Variants in GLT1D1 observed in about 807,000 individuals in gnomAD.
GLT1D1 encodes glycosyltransferase 1 domain containing 1.
A neutral mutation model predicts 28.7 loss-of-function variants in GLT1D1; 21 were observed. The ratio of observed to expected loss-of-function variants is 0.73; its 90% CI spans 0.52 to 1.05. The LOEUF (loss-of-function observed/expected upper bound fraction) is 1.05, where lower values mean the gene tolerates loss of function less well. Ranked by LOEUF, GLT1D1 falls within the 50% of genes least tolerant of loss-of-function variation. The pLI, the probability that GLT1D1 is intolerant of heterozygous loss-of-function variation, is 0.00. For missense variants in GLT1D1, 343 were observed against 330.6 expected, an observed-to-expected ratio of 1.04 and a Z score of -0.29; for synonymous variants, 147 against 124.8, an observed-to-expected ratio of 1.18 and a Z score of -1.19.
chr12:128,933,507 C>T (rs1874180647), intron 4 of GLT1D1, among the ~76,000 whole-genome samples: 1 of 152,144 alleles, frequency 6.6e-6, no homozygotes, highest in African/African-American at 2.4e-5. Context: ...TTTATTTTAC[C>T]CCAAAATTGA....
intron 3 of GLT1D1, among the ~76,000 whole-genome samples, chr12:128,897,604 T>C (rs1168328461): frequency 6.6e-6 from 1 of 152,224 alleles, no homozygotes; most frequent in African/African-American, 2.4e-5. Flanking sequence ...ATATATGATA[T>C]AAGGTAGGAA....
At chr12:128,959,412 G>GGGGGGT (rs1565913830) in intron 7 of GLT1D1, among the ~76,000 whole-genome samples, 2 of 17,678 alleles carry the variant, frequency 1.1e-4, no homozygotes, top group African/African-American at 6.5e-4. Flanking sequence ...ATGAGGCAGT[G>GGGGGGT]GGGGGGGACG....
chr12:128,941,183 C>T (rs112731486), intron 4 of GLT1D1, among the ~76,000 whole-genome samples: 27 of 152,304 alleles, frequency 1.8e-4, no homozygotes, highest in African/African-American at 6.5e-4. Context: ...CTGAGTGGCA[C>T]TCCTTTGTAT....
chr12:128,970,651 C>T (rs1457591684), intron 7 of GLT1D1, among the ~76,000 whole-genome samples: 1 of 152,248 alleles, frequency 6.6e-6, no homozygotes, highest in African/African-American at 2.4e-5. Context: ...GGCACCTGAG[C>T]TTTGCTCACC....
intron 7 of GLT1D1, among the ~76,000 whole-genome samples, chr12:128,964,126 C>T (rs1325886491): frequency 1.3e-5 from 2 of 152,220 alleles, no homozygotes; most frequent in African/African-American, 2.4e-5. Context: ...TGCGCTGGCT[C>T]ATGCCTGTAA....
chr12:128,887,013 GA>G (rs1868468047), intron 2 of GLT1D1, among the ~76,000 whole-genome samples: 1 of 147,898 alleles, frequency 6.8e-6, no homozygotes, highest in Admixed American at 6.7e-5. Flanking sequence ...TCCCAACCCA[GA>G]TTTTTTTTTT....
intron 7 of GLT1D1, among the ~76,000 whole-genome samples, chr12:128,963,864 G>A (rs1025373089): frequency 1.3e-5 from 2 of 152,170 alleles, no homozygotes; most frequent in Non-Finnish European, 2.9e-5. Flanking sequence ...GGCAGAGCAC[G>A]GCAGCAGGTA....
At chr12:128,879,427 T>TTTCTTTCTTTCTTTCTTTCTTTCC in intron 2 of GLT1D1, among the ~76,000 whole-genome samples, 1 of 111,668 alleles carries the variant, frequency 9.0e-6, no homozygotes, top group Admixed American at 9.4e-5. Context: ...TCTTTCTTTC[T>TTTCTTTCTTTCTTTCTTTCTTTCC]TTCTTTCTTT....
At chr12:128,855,067 G>A (rs1249776673) in intron 1 of GLT1D1, among the ~76,000 whole-genome samples, 2 of 151,894 alleles carry the variant, frequency 1.3e-5, no homozygotes, top group Non-Finnish European at 2.9e-5. Context: ...AATGAAGGAG[G>A]TGATTTCACA....
chr12:128,966,215 T>G (rs1245552337), intron 7 of GLT1D1, among the ~76,000 whole-genome samples: 1 of 152,206 alleles, frequency 6.6e-6, no homozygotes, highest in African/African-American at 2.4e-5. Context: ...AGAATGCTCC[T>G]GGGAGCCAGG....
intron 4 of GLT1D1, chr12:128,944,656 G>A: frequency 1.4e-6 from 1 of 730,736 alleles, no homozygotes; most frequent in Non-Finnish European, 2.6e-6. Context: ...TAGGGCTTCT[G>A]CCTGTGGAAG....
At chr12:128,903,963 A>T (rs1170283883) in intron 4 of GLT1D1, among the ~76,000 whole-genome samples, 2 of 151,728 alleles carry the variant, frequency 1.3e-5, no homozygotes, top group African/African-American at 2.4e-5. Context: ...ACTCCTGACC[A>T]TGTGATCCGC....
rs746962342 is a variant in GLT1D1, at chr12:128,888,726, G to C, written c.305G>C (p.Arg102Thr). The change falls in exon 3 of 8, where the codon AGA (arginine) becomes ACA (threonine). Residue 102 changes from arginine to threonine, a missense_variant. Coordinates refer to ENST00000281703, the MANE Select transcript of GLT1D1 (RefSeq NM_144669.3). ...GCGGAAAAAAACACAGTCATGGGCA[G>C]AGTTCTTGAGGAAGCCAGGTAATAC... 2 of 1,609,878 alleles carry C rather than the reference G, an allele frequency of 1.2e-6. No individual in the cohort carries two copies. The highest frequency in any genetic ancestry group is 1.7e-6 in the Non-Finnish European group (2 of 1,176,354).
chr12:128,862,938 G>A (rs901849951), intron 1 of GLT1D1, among the ~76,000 whole-genome samples: 4 of 152,206 alleles, frequency 2.6e-5, no homozygotes, highest in Admixed American at 2.0e-4. Context: ...GTAGGGTGAT[G>A]ACAGAGAGAG....
chr12:128,925,032 TG>T (rs1873051540), intron 4 of GLT1D1, among the ~76,000 whole-genome samples: 2 of 108,852 alleles, frequency 1.8e-5, no homozygotes, highest in Non-Finnish European at 5.0e-5. Context: ...ATAAATAAAT[TG>T]TTTTTTGTTT....
At chr12:128,958,500 G>T (rs936905837) in intron 7 of GLT1D1, among the ~76,000 whole-genome samples, 1 of 151,342 alleles carries the variant, frequency 6.6e-6, no homozygotes, top group African/African-American at 2.4e-5. Context: ...CAGCACTTTG[G>T]GAGGCTGAGG....
intron 7 of GLT1D1, among the ~76,000 whole-genome samples, chr12:128,979,131 G>C (rs1471985912): frequency 6.6e-6 from 1 of 152,214 alleles, no homozygotes; most frequent in African/African-American, 2.4e-5. Flanking sequence ...GAGTTCCTCT[G>C]GTTCAAACGC....
intron 7 of GLT1D1, among the ~76,000 whole-genome samples, chr12:128,963,320 G>A (rs1009694239): frequency 2.0e-5 from 3 of 152,054 alleles, no homozygotes; most frequent in African/African-American, 7.2e-5. Flanking sequence ...GGGTCGTATG[G>A]GCCAGAAAAT....
intron 4 of GLT1D1, among the ~76,000 whole-genome samples, chr12:128,941,676 G>A (rs963293647): frequency 1.4e-5 from 2 of 148,012 alleles, no homozygotes; most frequent in Admixed American, 6.8e-5. Flanking sequence ...GGGTTCAAGC[G>A]ATTCTTCCGC....
Sources: allele counts gnomAD v4.1 joint callset (sites outside exome capture counted in the v4.1 genomes callset), GRCh38; gene constraint gnomAD v4.1.1; transcripts MANE v1.5; gene names NCBI Gene and HGNC (gene_info 2026-07-23, HGNC 2026-07-21).